Variants in SEMA5A observed in about 807,000 individuals in gnomAD.
SEMA5A encodes the protein semaphorin-5A.
In SEMA5A, 55 loss-of-function variants were observed where a neutral mutation model predicts 135.5. The observed-to-expected ratio is 0.41, with a 90% CI of 0.33 to 0.51. SEMA5A has a LOEUF of 0.51. Ranked by LOEUF, SEMA5A falls within the 20% of genes least tolerant of loss-of-function variation. The pLI is 0.37. For missense variants in SEMA5A, 1,290 were observed against 1,419.9 expected, an observed-to-expected ratio of 0.91 and a Z score of 1.47; for synonymous variants, 580 against 546.5, an observed-to-expected ratio of 1.06 and a Z score of -0.85.
intron 5 of SEMA5A, among the ~76,000 whole-genome samples, chr5:9,289,289 CTT>C (rs1750954006): frequency 6.6e-6 from 1 of 152,112 alleles, no homozygotes; most frequent in Admixed American, 6.5e-5. Context: ...TTTAACAAAA[CTT>C]TTTAAACTTA....
Position 9,113,310 on chromosome 5 carries a change from A to C in SEMA5A, c.1926-5023T>G, listed in dbSNP as rs1019996815. ...GAGACCACGGAATGGCAGGAAGCAG[A>C]ATAATTTTGAGGAGCACATTAAAGA... On this transcript the variant is annotated intron_variant, in intron 15 of 22. Transcript: ENST00000382496. Among the ~76,000 whole-genome samples, 7 of 152,342 alleles carry C rather than the reference A, an allele frequency of 4.6e-5. 1 individual carries two copies. In the South Asian group the frequency reaches 1.5e-3, roughly 32 times the overall value.
rs374956864 is a variant in SEMA5A at position 9,271,891 on chromosome 5, G to A, written c.271-34001C>T. ...CACAGACCAGGAGATTCCCTCCAGTGCCCACACTACCAGGACCCTGGGGTT... is the reference window on the plus strand; with the variant it reads ...CACAGACCAGGAGATTCCCTCCAGTACCCACACTACCAGGACCCTGGGGTT... On this transcript the variant is annotated intron_variant, in intron 5 of 22. Transcript: ENST00000382496. Among the ~76,000 whole-genome samples, 77 of 152,272 alleles carry A rather than the reference G, an allele frequency of 5.1e-4. No individual in the cohort carries two copies. The South Asian group carries it at 0.016, about 31-fold the overall frequency.
intron 16 of SEMA5A, among the ~76,000 whole-genome samples, chr5:9,070,094 T>C (rs965036503): frequency 1.4e-4 from 21 of 152,138 alleles, no homozygotes; most frequent in Admixed American, 2.6e-4. Context: ...AGCTCGGCCA[T>C]GCGTGGTGGC....
At chr5:9,510,043 G>A (rs949407536) in intron 1 of SEMA5A, among the ~76,000 whole-genome samples, 3 of 152,200 alleles carry the variant, frequency 2.0e-5, no homozygotes, top group Non-Finnish European at 4.4e-5. Context: ...ACTCTCTGGT[G>A]AGGCAACCTC....
intron 1 of SEMA5A, among the ~76,000 whole-genome samples, chr5:9,541,794 G>A (rs983030833): frequency 2.6e-5 from 4 of 152,174 alleles, no homozygotes; most frequent in African/African-American, 9.7e-5. Flanking sequence ...TCATGCACAA[G>A]GTGAAATATG....
At chr5:9,395,929 G>A (rs962471450) in intron 2 of SEMA5A, among the ~76,000 whole-genome samples, 1 of 152,120 alleles carries the variant, frequency 6.6e-6, no homozygotes, top group African/African-American at 2.4e-5. Flanking sequence ...GAGGAGATGG[G>A]GCTGTGCTTT....
intron 6 of SEMA5A, among the ~76,000 whole-genome samples, chr5:9,234,500 C>A (rs1747798868): frequency 1.3e-5 from 2 of 152,222 alleles, no homozygotes; most frequent in Non-Finnish European, 2.9e-5. Flanking sequence ...GCTACTGCAT[C>A]ATTTTTGTAC....
intron 8 of SEMA5A, among the ~76,000 whole-genome samples, chr5:9,205,849 TA>T (rs143042488): frequency 0.027 from 4,043 of 152,278 alleles, 85 homozygotes; most frequent in South Asian, 0.11. Flanking sequence ...GACCTGCCAT[TA>T]ACTCGGGAAA....
At chr5:9,125,742 G>A (rs1741073587) in intron 13 of SEMA5A, among the ~76,000 whole-genome samples, 1 of 152,102 alleles carries the variant, frequency 6.6e-6, no homozygotes, top group Non-Finnish European at 1.5e-5. Flanking sequence ...TCTGAAGACC[G>A]TAGAGCTTTC....
chr5:9,541,121 C>T (rs1163432872), intron 1 of SEMA5A, among the ~76,000 whole-genome samples: 1 of 152,128 alleles, frequency 6.6e-6, no homozygotes, highest in Non-Finnish European at 1.5e-5. Context: ...TTTCTGTGAA[C>T]GATTTGTCCT....
intron 11 of SEMA5A, among the ~76,000 whole-genome samples, chr5:9,188,671 A>G (rs2150343477): frequency 7.5e-6 from 1 of 133,372 alleles, no homozygotes; most frequent in African/African-American, 3.0e-5. Context: ...AAAACTAGGA[A>G]CTCTTATGGA....
chr5:9,092,412 G>A (rs1015828112), intron 16 of SEMA5A, among the ~76,000 whole-genome samples: 4 of 152,192 alleles, frequency 2.6e-5, no homozygotes, highest in African/African-American at 9.6e-5. Context: ...ATAGTTGCAT[G>A]TGCTCAATCA....
In SEMA5A at chr5:9,042,965, G is replaced by A. The variant is rs759802757; in HGVS notation, c.3157C>T (p.Pro1053Ser). ...ILEERNKYFN[P>S]HLTGKTYSNA... ...GAATAGGTCTTCCCAGTGAGATGTG[G>A]GTTGAAGTATTTGTTTCTTTCCTCT... The change falls in exon 23 of 23, where the codon CCA becomes TCA. Residue 1053 changes from proline to serine, a missense_variant. This residue lies in a region of SEMA5A where 1,029 missense variants were observed against 1,086.6 expected (regional missense o/e 0.95). Coordinates refer to ENST00000382496, the MANE Select transcript of SEMA5A (RefSeq NM_003966.3). 6 of 1,612,592 alleles carry A rather than the reference G, an allele frequency of 3.7e-6. No individual in the cohort carries two copies. The highest frequency in any genetic ancestry group is 1.1e-5 in the South Asian group (1 of 91,044).
At chr5:9,305,658 G>A (rs1751823518) in intron 5 of SEMA5A, among the ~76,000 whole-genome samples, 1 of 150,316 alleles carries the variant, frequency 6.7e-6, no homozygotes, top group Non-Finnish European at 1.5e-5. Context: ...CCAACACCGG[G>A]GAGAAGGGCT....
intron 4 of SEMA5A, among the ~76,000 whole-genome samples, 166 bp downstream of exon 4, chr5:9,337,547 C>T (rs1753446768): frequency 6.6e-6 from 1 of 152,176 alleles, no homozygotes; most frequent in African/African-American, 2.4e-5. Flanking sequence ...CCATCAACAT[C>T]TTATTAGCAG....
chr5:9,431,368 A>T (rs1376521588), intron 2 of SEMA5A, among the ~76,000 whole-genome samples: 1 of 152,236 alleles, frequency 6.6e-6, no homozygotes, highest in Non-Finnish European at 1.5e-5. Context: ...AAATGTGGTG[A>T]TATTTACTTC....
chr5:9,264,183 G>C lies in SEMA5A; in HGVS notation c.271-26293C>G, dbSNP rs1749554084. 2.0e-5 allele frequency among the ~76,000 whole-genome samples: 3 copies of C among 152,210 alleles called. 1 individual carries two copies. The South Asian group carries it at 6.2e-4, about 32-fold the overall frequency. On this transcript the variant is annotated intron_variant, in intron 5 of 22. Coordinates refer to ENST00000382496, the MANE Select transcript of SEMA5A (RefSeq NM_003966.3). ...AATAGATCACATTAGTTTTCATTTA[G>C]ACCTATTATTTACTATTTAAGAACA...
At chr5:9,509,981 C>T (rs754756069) in intron 1 of SEMA5A, among the ~76,000 whole-genome samples, 1 of 152,012 alleles carries the variant, frequency 6.6e-6, no homozygotes, top group African/African-American at 2.4e-5. Flanking sequence ...AGGAACTAAA[C>T]GCAGAGGAAA....
intron 17 of SEMA5A, among the ~76,000 whole-genome samples, chr5:9,063,507 C>T (rs980014993): frequency 2.0e-5 from 3 of 152,204 alleles, no homozygotes; most frequent in East Asian, 3.8e-4. Flanking sequence ...CAAGGACCTC[C>T]ATCTGGAGGA....
Sources: allele counts gnomAD v4.1 joint callset (sites outside exome capture counted in the v4.1 genomes callset), GRCh38; gene constraint gnomAD v4.1.1; regional missense constraint gnomAD v4.1.1; transcripts MANE v1.5; gene names NCBI Gene and HGNC (gene_info 2026-07-23, HGNC 2026-07-21).